RNLS: variants seen among roughly 807,000 people sequenced by gnomAD.
The protein encoded by RNLS is renalase.
In RNLS, 39 loss-of-function variants were observed where a neutral mutation model predicts 39.8. That is an observed-to-expected ratio of 0.98 (90% confidence interval 0.76 to 1.28). The LOEUF (loss-of-function observed/expected upper bound fraction) is 1.28. Among genes scored for constraint, RNLS ranks in the 50% most tolerant of loss-of-function variants. The pLI, the probability that RNLS is intolerant of heterozygous loss-of-function variation, is 0.00. For missense variants in RNLS, 410 were observed against 413.3 expected (o/e 0.99, Z 0.07); for synonymous variants, 147 against 150.7 (o/e 0.98, Z 0.18).
At chr10:88,276,981 TC>T (rs1400300384) in intron 6 of RNLS, among the ~76,000 whole-genome samples, 2 of 152,220 alleles carry the variant, frequency 1.3e-5, no homozygotes, top group African/African-American at 4.8e-5. Context: ...CTAACGATAG[TC>T]CTTTGTTGAT....
intron 4 of RNLS, among the ~76,000 whole-genome samples, chr10:88,547,629 T>C (rs768795400): frequency 6.6e-6 from 1 of 152,340 alleles, no homozygotes; most frequent in East Asian, 1.9e-4. Flanking sequence ...AGCACTAAAA[T>C]GTCTATGCTT....
At chr10:88,203,256 GTGT>G in the RNLS span, among the ~76,000 whole-genome samples, 2 of 9,140 alleles carry the variant, frequency 2.2e-4, 1 homozygote, top group Non-Finnish European at 3.9e-4. Flanking sequence ...GTGTGTGTGT[GTGT>G]GTGTGTATGT....
At chr10:88,344,668 C>T (rs1460712712) in intron 5 of RNLS, among the ~76,000 whole-genome samples, 1 of 151,976 alleles carries the variant, frequency 6.6e-6, no homozygotes, top group Non-Finnish European at 1.5e-5. Context: ...TCTAAAGTGC[C>T]TTTCCTGACT....
the RNLS span, among the ~76,000 whole-genome samples, chr10:88,247,577 T>C: frequency 2.0e-5 from 3 of 152,150 alleles, no homozygotes; most frequent in African/African-American, 7.2e-5. Flanking sequence ...CAAGGGGTTG[T>C]GGTAAGGATT....
intron 5 of RNLS, among the ~76,000 whole-genome samples, chr10:88,351,607 G>C (rs1389610274): frequency 6.6e-6 from 1 of 152,198 alleles, no homozygotes; most frequent in Non-Finnish European, 1.5e-5. Context: ...TTTGGTACCA[G>C]TACCATGCTG....
the RNLS span, among the ~76,000 whole-genome samples, chr10:88,211,841 T>C: frequency 6.6e-6 from 1 of 152,132 alleles, no homozygotes; most frequent in Non-Finnish European, 1.5e-5. Flanking sequence ...AAGATTTGCC[T>C]TTTTAAAACA....
Position 88,358,163 on chromosome 10 carries a change from C to T in RNLS, c.700+4389G>A, listed in dbSNP as rs117770950. Among the ~76,000 whole-genome samples, 16 of 152,246 alleles carry T rather than the reference C, an allele frequency of 1.1e-4. No individual in the cohort carries two copies. In the East Asian group the frequency reaches 2.5e-3, roughly 24 times the overall value. On this transcript the variant is annotated intron_variant, in intron 5 of 6. Transcript: ENST00000331772. ...ACTACCCAAGTTAATATGATAAACA[C>T]CTTATTTTAACATAAATTTTCTCAA...
Position 88,438,122 on chromosome 10 carries a change from TAA to T in RNLS, c.527-75399_527-75398del, listed in dbSNP as rs571001948. On this transcript the variant is annotated intron_variant, in intron 4 of 6. Coordinates refer to ENST00000331772, the MANE Select transcript of RNLS (RefSeq NM_001031709.3). ...GCCTGGGCAACAAGAGTGAAACTCC[TAA>T]AAAAAAAAAAAAAAAAAGAAGCTCA... 9.5e-3 allele frequency among the ~76,000 whole-genome samples: 1,106 copies of T among 116,748 alleles called. 17 individuals are homozygous for T. The highest frequency in any genetic ancestry group is 0.037 in the East Asian group (149 of 4,082). 76.6% of individuals were successfully genotyped at this position (116,748 alleles called of 152,430 possible).
chr10:88,184,499 G>A, the RNLS span, among the ~76,000 whole-genome samples: 1 of 152,064 alleles, frequency 6.6e-6, no homozygotes, highest in South Asian at 2.1e-4. Context: ...GACAGAGATA[G>A]GTCCTTTTCT....
chr10:88,490,696 C>T (rs1018138040), intron 4 of RNLS, among the ~76,000 whole-genome samples: 1 of 152,156 alleles, frequency 6.6e-6, no homozygotes, highest in African/African-American at 2.4e-5. Flanking sequence ...TTTCTTCTCA[C>T]CTAAAACAGG....
intron 6 of RNLS, among the ~76,000 whole-genome samples, chr10:88,275,982 A>G (rs1368523759): frequency 2.6e-5 from 4 of 152,124 alleles, no homozygotes; most frequent in African/African-American, 9.7e-5. Flanking sequence ...TGAGCCCAGG[A>G]ATTTGAGGCT....
chr10:88,394,659 A>G (rs1459516197), intron 4 of RNLS, among the ~76,000 whole-genome samples: 2 of 151,852 alleles, frequency 1.3e-5, no homozygotes, highest in Non-Finnish European at 3.0e-5. Flanking sequence ...ATCTAGAACT[A>G]GAAATACCAT....
intron 5 of RNLS, among the ~76,000 whole-genome samples, chr10:88,340,087 T>A (rs1399209006): frequency 6.6e-6 from 1 of 152,234 alleles, no homozygotes; most frequent in Non-Finnish European, 1.5e-5. Context: ...TTGGAAATTC[T>A]CAATATCTTG....
intron 5 of RNLS, among the ~76,000 whole-genome samples, chr10:88,333,701 G>A (rs1847282810): frequency 6.6e-6 from 1 of 152,150 alleles, no homozygotes; most frequent in Non-Finnish European, 1.5e-5. Context: ...CTGAAGGTTT[G>A]TGTCTCCCCA....
At chr10:88,473,832 TATA>T (rs1843671279) in intron 4 of RNLS, among the ~76,000 whole-genome samples, 1 of 151,790 alleles carries the variant, frequency 6.6e-6, no homozygotes, top group East Asian at 1.9e-4. Context: ...GCCATATATA[TATA>T]TTTTTCTCTC....
chr10:88,301,538 G>A (rs1398795271), intron 6 of RNLS, among the ~76,000 whole-genome samples: 1 of 152,122 alleles, frequency 6.6e-6, no homozygotes, highest in Non-Finnish European at 1.5e-5. Flanking sequence ...TTTCTTGTTG[G>A]GAAATGTTGA....
intron 4 of RNLS, among the ~76,000 whole-genome samples, chr10:88,366,458 TTG>T (rs142926066): frequency 1.3e-5 from 2 of 149,484 alleles, no homozygotes; most frequent in African/African-American, 2.5e-5. Context: ...GTGTGTGTGT[TTG>T]TGTGTGTGTG....
intron 4 of RNLS, among the ~76,000 whole-genome samples, chr10:88,455,467 T>A (rs944904290): frequency 4.6e-5 from 7 of 152,064 alleles, no homozygotes; most frequent in Non-Finnish European, 1.0e-4. Context: ...AGTGCAGTGG[T>A]GCGATTTCGG....
At chr10:88,573,907 G>A (rs1411791692) in intron 3 of RNLS, among the ~76,000 whole-genome samples, 4 of 152,190 alleles carry the variant, frequency 2.6e-5, no homozygotes, top group African/African-American at 9.7e-5. Context: ...TTGGGAGGCT[G>A]AAGTGGGTGG....
Sources: gnomAD v4.1 joint callset for allele counts (sites outside exome capture counted in the v4.1 genomes callset) on GRCh38, gnomAD v4.1.1 for gene constraint, MANE v1.5 for transcripts, NCBI Gene and HGNC (gene_info 2026-07-23, HGNC 2026-07-21) for gene names.